Variants in CNTLN observed in about 807,000 individuals in gnomAD.
CNTLN encodes the protein centlein.
A neutral mutation model predicts 180.0 loss-of-function variants in CNTLN; 212 were observed. The ratio of observed to expected loss-of-function variants is 1.18; its 90% CI spans 1.05 to 1.32. The LOEUF (loss-of-function observed/expected upper bound fraction) is 1.32, where lower values mean the gene tolerates loss of function less well. CNTLN is among the 40% of genes most tolerant of loss of function. The pLI, the probability that CNTLN is intolerant of heterozygous loss-of-function variation, is 0.00. For synonymous variants in CNTLN, 722 were observed against 563.1 expected, an observed-to-expected ratio of 1.28 and a Z score of -3.99; for missense variants, 2,095 against 1,610.9, an observed-to-expected ratio of 1.30 and a Z score of -5.14.
At chr9:17,472,573 C>T (rs1832091870) in intron 23 of CNTLN, among the ~76,000 whole-genome samples, 1 of 152,050 alleles carries the variant, frequency 6.6e-6, no homozygotes, top group Admixed American at 6.5e-5. Context: ...TTTGGATCAC[C>T]ACCTACCTTA....
At chr9:17,235,365 A>G (rs1018367917) in intron 3 of CNTLN, among the ~76,000 whole-genome samples, 1 of 152,214 alleles carries the variant, frequency 6.6e-6, no homozygotes, top group East Asian at 1.9e-4. Context: ...TGGTTCGTAA[A>G]ATCTTGTTTT....
At chr9:17,496,729 C>T (rs1307284469) in intron 25 of CNTLN, among the ~76,000 whole-genome samples, 1 of 152,128 alleles carries the variant, frequency 6.6e-6, no homozygotes, top group African/African-American at 2.4e-5. Context: ...TTAATGTCTA[C>T]ATTAAAAGGG....
At chr9:17,486,958 T>C in intron 24 of CNTLN, 31 bp from the exon 25 acceptor site, 1 of 1,213,202 alleles carries the variant, frequency 8.2e-7, no homozygotes, top group Non-Finnish European at 1.2e-6. Flanking sequence ...TAAATTTCGT[T>C]AACACCAGTG....
Position 17,283,581 on chromosome 9 carries a change from C to T in CNTLN, c.983+9715C>T, listed in dbSNP as rs537518494. ...ACTTCCTCTCTTCCCATTTGAATAC[C>T]CTTTGTTTCTTTGTCTTCCCTGACT... On this transcript the variant is annotated intron_variant, in intron 6 of 25. Coordinates refer to ENST00000380647, the MANE Select transcript of CNTLN (RefSeq NM_017738.4). Among the ~76,000 whole-genome samples, 5 of 152,150 alleles carry T rather than the reference C, an allele frequency of 3.3e-5. No homozygotes were observed. In the South Asian group the frequency reaches 6.2e-4, roughly 19 times the overall value.
chr9:17,502,492 T>A (rs1429423637), intron 25 of CNTLN, 59 bp from the exon 26 acceptor site: 1 of 779,578 alleles, frequency 1.3e-6, no homozygotes, highest in Non-Finnish European at 2.0e-6. Flanking sequence ...ATATTTAGTA[T>A]GTTTTTGAAC....
intron 18 of CNTLN, among the ~76,000 whole-genome samples, chr9:17,450,339 G>C (rs996086640): frequency 2.0e-5 from 3 of 152,052 alleles, no homozygotes; most frequent in African/African-American, 7.2e-5. Context: ...TAGGCAATTA[G>C]CAGTAATTAG....
At chr9:17,457,102 A>G (rs1271370690) in intron 18 of CNTLN, among the ~76,000 whole-genome samples, 1 of 152,116 alleles carries the variant, frequency 6.6e-6, no homozygotes, top group Non-Finnish European at 1.5e-5. Context: ...TGGCTGCTAT[A>G]TAGGATGGTA....
intron 4 of CNTLN, 92 bp from the exon 5 acceptor site, chr9:17,236,315 GCA>G (rs754235424): frequency 4.4e-5 from 47 of 1,069,806 alleles, no homozygotes; most frequent in Non-Finnish European, 5.6e-5. Flanking sequence ...GGGTAAAACT[GCA>G]CAGTTTGTAT....
At chr9:17,457,208 A>T (rs1241436697) in intron 18 of CNTLN, among the ~76,000 whole-genome samples, 2 of 152,082 alleles carry the variant, frequency 1.3e-5, no homozygotes, top group Non-Finnish European at 2.9e-5. Flanking sequence ...TCTGAAGTCA[A>T]GGTTATCAAA....
rs192928386 is a variant in CNTLN, at chr9:17,170,847, G to A, written c.449+27471G>A. ...GGTAGTCCCATAAGATTATAATACC[G>A]TATTTTTACTGTACTTTTTCTATGT... On this transcript the variant is annotated intron_variant, in intron 2 of 25. Transcript: ENST00000380647. Among the ~76,000 whole-genome samples, 11 of 151,946 alleles carry A rather than the reference G, an allele frequency of 7.2e-5. No homozygotes were observed. The East Asian group carries it at 7.8e-4, about 11-fold the overall frequency.
At chr9:17,376,748 G>A (rs1404655991) in intron 13 of CNTLN, among the ~76,000 whole-genome samples, 1 of 152,088 alleles carries the variant, frequency 6.6e-6, no homozygotes, top group Admixed American at 6.6e-5. Flanking sequence ...ACCGCACCCG[G>A]CCATAACCAT....
intron 3 of CNTLN, among the ~76,000 whole-genome samples, chr9:17,234,004 G>A (rs1237717042): frequency 6.6e-6 from 1 of 152,010 alleles, no homozygotes; most frequent in Non-Finnish European, 1.5e-5. Flanking sequence ...GTGTTTCCTA[G>A]CTGAATGTTG....
chr9:17,301,280 G>A (rs1165230043), intron 7 of CNTLN: 3 of 985,124 alleles, frequency 3.0e-6, no homozygotes, highest in South Asian at 4.7e-5. Context: ...TGTGATCTGG[G>A]GTACATTTTG....
At chr9:17,458,133 C>G (rs1309020358) in intron 19 of CNTLN, among the ~76,000 whole-genome samples, 1 of 151,656 alleles carries the variant, frequency 6.6e-6, no homozygotes, top group Admixed American at 6.6e-5. Context: ...CTTCTTCTCC[C>G]TCCCATTTAT....
At chr9:17,408,418 C>T (rs1018330046) in intron 15 of CNTLN, among the ~76,000 whole-genome samples, 1 of 151,852 alleles carries the variant, frequency 6.6e-6, no homozygotes, top group South Asian at 2.1e-4. Flanking sequence ...GTTTCCTGTC[C>T]CTCTACCCTG....
chr9:17,188,189 A>T (rs1369975672), intron 2 of CNTLN, among the ~76,000 whole-genome samples: 1 of 152,026 alleles, frequency 6.6e-6, no homozygotes, highest in East Asian at 1.9e-4. Context: ...TTTAAGAAGA[A>T]TTCTGAAGGA....
chr9:17,343,417 T>G (rs1450590405), intron 12 of CNTLN, among the ~76,000 whole-genome samples: 1 of 152,210 alleles, frequency 6.6e-6, no homozygotes, highest in Non-Finnish European at 1.5e-5. Context: ...AATGAGAAGC[T>G]TATTTTATAT....
At chr9:17,235,565 C>T (rs3814137) in intron 3 of CNTLN, 93 bp from the exon 4 acceptor site, 3 of 1,006,296 alleles carry the variant, frequency 3.0e-6, no homozygotes, top group Admixed American at 2.7e-5. Flanking sequence ...ATTTAATCAT[C>T]ACATTAGCAA....
intron 5 of CNTLN, among the ~76,000 whole-genome samples, chr9:17,269,531 T>C (rs2132474264): frequency 6.6e-6 from 1 of 152,278 alleles, no homozygotes; most frequent in African/African-American, 2.4e-5. Context: ...GGTCAATTGG[T>C]TGTTTAAGAA....
Sources: allele counts gnomAD v4.1 joint callset (sites outside exome capture counted in the v4.1 genomes callset), GRCh38; gene constraint gnomAD v4.1.1; transcripts MANE v1.5; gene names NCBI Gene and HGNC (gene_info 2026-07-23, HGNC 2026-07-21).